The following FAM3C variants were observed in gnomAD, a reference collection of about 807,000 sequenced individuals.
FAM3C encodes the protein protein FAM3C.
In FAM3C, 15 loss-of-function variants were observed where a neutral mutation model predicts 32.5. The ratio of observed to expected loss-of-function variants is 0.46; its 90% CI spans 0.31 to 0.71. The LOEUF (loss-of-function observed/expected upper bound fraction) is 0.71, where lower values mean the gene tolerates loss of function less well. FAM3C is among the 30% of genes least tolerant of loss of function. The pLI, the probability that FAM3C is intolerant of heterozygous loss-of-function variation, is 0.05. For missense variants in FAM3C, 175 were observed against 274.4 expected, an observed-to-expected ratio of 0.64 and a Z score of 2.56; for synonymous variants, 75 against 86.1, an observed-to-expected ratio of 0.87 and a Z score of 0.72.
chr7:121,364,169 T>C lies in FAM3C; in HGVS notation c.292A>G (p.Asn98Asp), dbSNP rs1285359472. 1 of 1,597,374 alleles carries C rather than the reference T, an allele frequency of 6.3e-7. No homozygotes were observed. The highest frequency in any genetic ancestry group is 1.1e-5 in the South Asian group (1 of 90,616). ...EDNVLMSGVK[N>D]NVGRGINVAL... is the part of the protein sequence containing the mutation. ...ACATTGATCCCTCTTCCAACATTAT[T>C]CTTAACACCACTCATTAAACTGAAG... Residue 98 changes from asparagine to aspartate, a missense_variant, in exon 6 of 10, where the codon AAT becomes GAT. Physicochemically the swap from Asn to Asp is conservative, Grantham distance 23 (BLOSUM62 1). Coordinates refer to ENST00000359943, the MANE Select transcript of FAM3C (RefSeq NM_014888.3).
intron 8 of FAM3C, among the ~76,000 whole-genome samples, chr7:121,353,608 TA>T (rs1287175754): frequency 6.6e-6 from 1 of 152,216 alleles, no homozygotes; most frequent in Admixed American, 6.5e-5. Flanking sequence ...CAATGCAATT[TA>T]TGCTGAACAC....
intron 3 of FAM3C, among the ~76,000 whole-genome samples, chr7:121,377,892 T>C (rs1794271196): frequency 6.6e-6 from 1 of 152,232 alleles, no homozygotes; most frequent in Admixed American, 6.5e-5. Flanking sequence ...AAGTACACTC[T>C]ATGATGTTCT....
intron 1 of FAM3C, among the ~76,000 whole-genome samples, chr7:121,392,574 T>G (rs956397181): frequency 1.3e-5 from 2 of 152,206 alleles, no homozygotes; most frequent in Non-Finnish European, 2.9e-5. Context: ...ACGTATCAAC[T>G]GAACCAACTT....
intron 5 of FAM3C, 145 bp downstream of exon 5, chr7:121,371,155 G>A (rs1188131504): frequency 2.2e-5 from 21 of 958,410 alleles, no homozygotes; most frequent in Admixed American, 4.8e-5. Flanking sequence ...TTGAATTCAT[G>A]AGAAAAAAAC....
chr7:121,388,313 T>C (rs1794506318), intron 1 of FAM3C, among the ~76,000 whole-genome samples: 1 of 150,996 alleles, frequency 6.6e-6, no homozygotes, highest in South Asian at 2.1e-4. Context: ...TGATCACAAA[T>C]AAAGGGAGAT....
intron 8 of FAM3C, among the ~76,000 whole-genome samples, chr7:121,355,869 C>T (rs867074970): frequency 6.6e-6 from 1 of 152,082 alleles, no homozygotes; most frequent in African/African-American, 2.4e-5. Context: ...GAAGAGAGTA[C>T]AAAGCCTGGA....
intron 1 of FAM3C, among the ~76,000 whole-genome samples, chr7:121,384,352 A>T (rs1437356588): frequency 6.6e-6 from 1 of 152,194 alleles, no homozygotes; most frequent in Non-Finnish European, 1.5e-5. Flanking sequence ...CATCACATAA[A>T]AGCAGAAAAA....
intron 1 of FAM3C, among the ~76,000 whole-genome samples, chr7:121,392,980 T>C (rs1348460402): frequency 1.3e-5 from 2 of 152,204 alleles, no homozygotes; most frequent in African/African-American, 2.4e-5. Context: ...ATTCAATTTT[T>C]AGGAAAATCC....
rs966412551 is a variant in FAM3C at position 121,363,127 on chromosome 7, T to C, written c.332-180A>G. ...CTTTGAGAACTTAAAATCTGAATCATATGCACCTGAAATATATTTTTAAAG... is the reference window on the plus strand; with the variant it reads ...CTTTGAGAACTTAAAATCTGAATCACATGCACCTGAAATATATTTTTAAAG... On this transcript the variant is annotated intron_variant, in intron 6 of 9. Transcript: ENST00000359943. 2.4e-4 allele frequency among the ~76,000 whole-genome samples: 36 copies of C among 152,294 alleles called. 1 individual carries two copies. Among genetic ancestry groups the C allele is most frequent in the Non-Finnish European group, 8.8e-5 (6 of 67,998 alleles).
chr7:121,391,607 T>G (rs1438530723), intron 1 of FAM3C, among the ~76,000 whole-genome samples: 1 of 152,182 alleles, frequency 6.6e-6, no homozygotes, highest in Admixed American at 6.6e-5. Flanking sequence ...ACTCTACTTA[T>G]GCTGTTTTGA....
Position 121,351,595 on chromosome 7 carries a change from G to C in FAM3C, c.468-326C>G, listed in dbSNP as rs181424866. 2.3e-5 allele frequency: 5 copies of C among 218,358 alleles called. No homozygotes were observed. The Admixed American group carries it at 2.6e-4, about 12-fold the overall frequency. The allele number at this position is 218,358 out of a possible 1,614,324, so 13.5% of individuals were successfully genotyped here. Reference sequence around the variant, plus strand: ...ACCACAGTTAGTAGATGCCTATCCAGGCTATCCAAGGTCTTAAGCAATCAA... The same window carrying C: ...ACCACAGTTAGTAGATGCCTATCCACGCTATCCAAGGTCTTAAGCAATCAA... On this transcript the variant is annotated intron_variant, in intron 8 of 9. Coordinates refer to ENST00000359943, the MANE Select transcript of FAM3C (RefSeq NM_014888.3).
At chr7:121,354,449 G>A (rs1175484482) in intron 8 of FAM3C, among the ~76,000 whole-genome samples, 1 of 152,164 alleles carries the variant, frequency 6.6e-6, no homozygotes, top group Non-Finnish European at 1.5e-5. Flanking sequence ...GCTGCCCAGA[G>A]GCAATCTAAA....
At chr7:121,353,667 G>A (rs1054792610) in intron 8 of FAM3C, among the ~76,000 whole-genome samples, 20 of 152,152 alleles carry the variant, frequency 1.3e-4, no homozygotes, top group Admixed American at 6.5e-5. Flanking sequence ...TTAGGCAGAG[G>A]GTGCCTACAT....
At chr7:121,376,934 T>G (rs1367602372) in intron 3 of FAM3C, among the ~76,000 whole-genome samples, 1 of 152,168 alleles carries the variant, frequency 6.6e-6, no homozygotes, top group Non-Finnish European at 1.5e-5. Flanking sequence ...CTTTCGGCAT[T>G]AAAGTTTGAG....
intron 3 of FAM3C, among the ~76,000 whole-genome samples, chr7:121,377,109 G>A (rs1340164662): frequency 1.3e-5 from 2 of 152,104 alleles, no homozygotes; most frequent in East Asian, 3.9e-4. Context: ...CCTCCATGCT[G>A]TTCTCATGAT....
chr7:121,371,974 T>C (rs904941799), intron 4 of FAM3C, 136 bp downstream of exon 4: 7 of 612,290 alleles, frequency 1.1e-5, no homozygotes, highest in African/African-American at 1.9e-5. Context: ...TCCAATCAAA[T>C]AGCATCCTCA....
At chr7:121,389,448 T>A (rs1243665720) in intron 1 of FAM3C, among the ~76,000 whole-genome samples, 1 of 152,178 alleles carries the variant, frequency 6.6e-6, no homozygotes, top group Non-Finnish European at 1.5e-5. Flanking sequence ...AAAGATATTT[T>A]GTTTTCCAAG....
In FAM3C at chr7:121,351,130, C is replaced by A; in HGVS notation, c.594+13G>T. 1 of 1,610,246 alleles carries A rather than the reference C, an allele frequency of 6.2e-7. No individual in the cohort carries two copies. Among genetic ancestry groups the A allele is most frequent in the Non-Finnish European group, 8.5e-7 (1 of 1,178,348 alleles). On this transcript the variant is annotated intron_variant, in intron 9 of 9. Transcript: ENST00000359943. ...ATTTGTTTTTGTTAATTCTGAGAGT[C>A]TATGACACTAACCTGTTCAAAAGGG...
intron 5 of FAM3C, among the ~76,000 whole-genome samples, chr7:121,366,579 G>A (rs893794729): frequency 2.0e-5 from 3 of 152,138 alleles, no homozygotes; most frequent in Non-Finnish European, 2.9e-5. Context: ...TTAGCTAAGG[G>A]GTACAGGGTT....
Sources: gnomAD v4.1 joint callset for allele counts (sites outside exome capture counted in the v4.1 genomes callset) on GRCh38, gnomAD v4.1.1 for gene constraint, MANE v1.5 for transcripts, NCBI Gene and HGNC (gene_info 2026-07-23, HGNC 2026-07-21) for gene names.